Variants in DPEP3 observed in about 807,000 individuals in gnomAD.
DPEP3 encodes dipeptidase 3.
In DPEP3, 42 loss-of-function variants were observed where a neutral mutation model predicts 47.5. The ratio of observed to expected loss-of-function variants is 0.88; its 90% confidence interval spans 0.69 to 1.14. The LOEUF is 1.14. Ranked by LOEUF, DPEP3 falls within the 50% of genes most tolerant of loss-of-function variation. The pLI is 0.00. For synonymous variants in DPEP3, 276 were observed against 270.2 expected, an observed-to-expected ratio of 1.02 and a Z score of -0.21; for missense variants, 560 against 635.0, an observed-to-expected ratio of 0.88 and a Z score of 1.27.
intron 8 of DPEP3, 38 bp downstream of exon 8, chr16:67,976,662 G>C: frequency 6.3e-7 from 1 of 1,597,934 alleles, no homozygotes; most frequent in Non-Finnish European, 8.6e-7. Context: ...ACTCCCTGCT[G>C]CACCCCAGCC....
chr16:67,977,900 G>A, intron 5 of DPEP3, 38 bp downstream of exon 5: 2 of 1,613,874 alleles, frequency 1.2e-6, no homozygotes, highest in Non-Finnish European at 1.7e-6. Flanking sequence ...ATATCCGTAG[G>A]CAGCAGGTGG....
intron 2 of DPEP3, among the ~76,000 whole-genome samples, 154 bp downstream of exon 2, chr16:67,979,485 T>G (rs989289131): frequency 6.6e-6 from 1 of 152,228 alleles, no homozygotes; most frequent in Non-Finnish European, 1.5e-5. Flanking sequence ...TAGCCTGTCT[T>G]GGCCTCCAAG....
In DPEP3 at chr16:67,977,746, T is replaced by C; in HGVS notation, c.840A>G (p.Glu280=). The C allele has an allele frequency of 6.2e-7, 1 of 1,613,694 alleles. No individual in the cohort carries two copies. The highest frequency in any genetic ancestry group is 8.5e-7 in the Non-Finnish European group (1 of 1,179,760). The part of the protein sequence containing the change: ...ASDTLIRRVL[E]VSQAPVIFSH... Reference sequence around the variant, plus strand: ...AGAAGATCACAGGAGCCTGAGACACTTCCAGGACCCTTCTTATCAAGGTGT... The same window carrying C: ...AGAAGATCACAGGAGCCTGAGACACCTCCAGGACCCTTCTTATCAAGGTGT... The change falls in exon 6 of 10, where the codon GAA becomes GAG. Residue 280 remains glutamate (E), a synonymous_variant. Transcript: ENST00000268793.
intron 7 of DPEP3, 26 bp downstream of exon 7, chr16:67,977,244 C>A (rs751114610): frequency 6.2e-7 from 1 of 1,610,726 alleles, no homozygotes; most frequent in Admixed American, 1.7e-5. Flanking sequence ...CAAGCCAGCA[C>A]TGCACAAAGC....
rs770474892 is a variant in DPEP3 at position 67,977,846 on chromosome 16, G to GT, written c.757-18dup. On this transcript the variant is annotated splice_polypyrimidine_tract_variant and intron_variant, in intron 5 of 9. Coordinates refer to ENST00000268793, the MANE Select transcript of DPEP3 (RefSeq NM_001370198.1). Reference sequence around the variant, plus strand: ...TACTACTTTCTGCAGAAACAATTAGGTTTTTTTGTGGGGGAGGGTGTTGGG... The same window carrying GT: ...TACTACTTTCTGCAGAAACAATTAGGTTTTTTTTGTGGGGGAGGGTGTTGGG... 9 of 1,613,558 alleles carry GT rather than the reference G, an allele frequency of 5.6e-6. No individual in the cohort carries two copies. Among genetic ancestry groups the GT allele is most frequent in the Non-Finnish European group, 7.6e-6 (9 of 1,179,694 alleles).
Position 67,978,267 on chromosome 16 carries a change from C to T in DPEP3, c.686G>A (p.Trp229Ter). ...CATCCTGGCCAGGTGTTATGCTCACCATGGTGTACTGCAGGTGAAGGTAAG... is the reference window on the plus strand; with the variant it reads ...CATCCTGGCCAGGTGTTATGCTCACTATGGTGTACTGCAGGTGAAGGTAAG... The part of the protein sequence containing the change: ...LTLTFTCSTP[W>*]AESSTKFRHH... Residue 229 changes from tryptophan (W) to a stop codon, truncating the protein, a stop_gained and splice_region_variant, in exon 4 of 10, where the codon TGG (tryptophan) becomes TAG (stop). Transcript: ENST00000268793. LOFTEE classifies it high-confidence loss of function. This position sits in a 1 kb window ranked among gnomAD's most constrained non-coding sequence, Gnocchi z 4.4. 1 of 1,614,164 alleles carries T rather than the reference C, an allele frequency of 6.2e-7. No individual in the cohort carries two copies. The highest frequency in any genetic ancestry group is 8.5e-7 in the Non-Finnish European group (1 of 1,180,016).
rs764744800 is a variant in DPEP3, at chr16:67,975,759, A to C, written c.*6T>G. The C allele has an allele frequency of 1.2e-6, 2 of 1,610,012 alleles. No individual in the cohort carries two copies. The highest frequency in any genetic ancestry group is 1.7e-4 in the Middle Eastern group (1 of 5,872). On this transcript the variant is annotated 3_prime_UTR_variant, in exon 10 of 10. Transcript: ENST00000268793. ...GCCACAGTGACCTCTGCGGGGACCG[A>C]CTGTGTCAGCAGAGCCACTGGGTGA... is the stretch of plus-strand genomic sequence containing the variant.
At position 67,976,156 on chromosome 16, in the gene DPEP3, G is replaced by A. The variant is rs373897154; in HGVS notation, c.1167C>T (p.Ser389=). 2.4e-5 allele frequency: 39 copies of A among 1,614,030 alleles called. No homozygotes were observed. The highest frequency in any genetic ancestry group is 2.2e-4 in the South Asian group (20 of 91,092). Reference sequence around the variant, plus strand: ...GAAGGACACCTTGAAGCTCTTCCTCGCTCCAGCTACGACTCAGCAACTCCT... The same window carrying A: ...GAAGGACACCTTGAAGCTCTTCCTCACTCCAGCTACGACTCAGCAACTCCT... ...LIEELLSRSW[S]EEELQGVLRG... Residue 389 remains serine, a synonymous_variant, in exon 9 of 10, where the codon AGC becomes AGT. Transcript: ENST00000268793.
intron 1 of DPEP3, 115 bp from the exon 2 acceptor site, chr16:67,979,880 A>C: frequency 6.8e-7 from 1 of 1,476,462 alleles, no homozygotes; most frequent in Non-Finnish European, 9.1e-7. Flanking sequence ...GACCATATAG[A>C]GACCTCCTGA....
Position 67,979,327 on chromosome 16 carries a change from A to G in DPEP3, c.414+312T>C, listed in dbSNP as rs1487975992. Among the ~76,000 whole-genome samples, 4 of 152,156 alleles carry G rather than the reference A, an allele frequency of 2.6e-5. No homozygotes were observed. The East Asian group carries it at 7.7e-4, about 29-fold the overall frequency. The stretch of plus-strand genomic sequence containing the variant: ...TCTCAAAAATGCAAACAAACAAACA[A>G]GCAAAAAACTGCTGTTAGTCCATGT... On this transcript the variant is annotated intron_variant, in intron 2 of 9. Transcript: ENST00000268793.
intron 7 of DPEP3, among the ~76,000 whole-genome samples, 181 bp downstream of exon 7, chr16:67,977,089 A>C (rs540324742): frequency 6.6e-6 from 1 of 152,274 alleles, no homozygotes; most frequent in South Asian, 2.1e-4. Flanking sequence ...GGCATCAAAC[A>C]CATCAGCACT....
chr16:67,979,188 C>T (rs182963953), intron 2 of DPEP3, among the ~76,000 whole-genome samples: 24 of 152,224 alleles, frequency 1.6e-4, no homozygotes, highest in African/African-American at 5.3e-4. Flanking sequence ...GCCTGTAATC[C>T]CAGCTACTCA....
At position 67,980,498 on chromosome 16, in the gene DPEP3, C is replaced by G. The variant is rs1332874977; in HGVS notation, c.-118G>C. 3 of 1,426,200 alleles carry G rather than the reference C, an allele frequency of 2.1e-6. No homozygotes were observed. The African/African-American group carries it at 4.5e-5, about 22-fold the overall frequency. The allele number at this position is 1,426,200 out of a possible 1,614,324, so 88.3% of individuals were successfully genotyped here. On this transcript the variant is annotated 5_prime_UTR_variant, in exon 1 of 10. Transcript: ENST00000268793. ...AAGAGGGGGTTGAAGTCACGCGACT[C>G]TGAGACCGACGCGCCACGCAAGGGG...
rs1218247340 is a variant in DPEP3 at position 67,980,123 on chromosome 16, G to T, written c.258C>A (p.Ala86=). The T allele has an allele frequency of 1.2e-6, 2 of 1,612,536 alleles. No homozygotes were observed. Among genetic ancestry groups the T allele is most frequent in the Non-Finnish European group, 1.7e-6 (2 of 1,179,414 alleles). Residue 86 remains alanine, a synonymous_variant, in exon 1 of 10, where the codon GCC becomes GCA. Transcript: ENST00000268793. Reference sequence around the variant, plus strand: ...CCACGAGTGGGAAACTCCGCATCAGGGCCTGCGCGCGACCCCGAAGGTCCA... The same window carrying T: ...CCACGAGTGGGAAACTCCGCATCAGTGCCTGCGCGCGACCCCGAAGGTCCA... ...KTLDLRGRAQ[A]LMRSFPLVDG...
rs764193590 is a variant in DPEP3, at chr16:67,976,198, T to A, written c.1125A>T (p.Thr375=). 6.2e-7 allele frequency: 1 copy of A among 1,614,202 alleles called. No individual in the cohort carries two copies. Among genetic ancestry groups the A allele is most frequent in the South Asian group, 1.1e-5 (1 of 91,080 alleles). Residue 375 remains threonine, a synonymous_variant, in exon 9 of 10, where the codon ACA becomes ACT. Transcript: ENST00000268793. ...GCAACTCCTCTATCAGGACTGGGTA[T>A]GTGGACACATCCTCCAGCCCCTGAG... ...RFPQGLEDVS[T]YPVLIEELLS... is the part of the protein sequence containing the mutation.
chr16:67,979,963 G>T, intron 1 of DPEP3, 131 bp downstream of exon 1: 1 of 1,375,684 alleles, frequency 7.3e-7, no homozygotes, highest in Non-Finnish European at 9.8e-7. Flanking sequence ...CATGGGTGAT[G>T]GAGGAGAGAG....
chr16:67,976,536 A>G (rs2031199175), intron 8 of DPEP3, among the ~76,000 whole-genome samples, 164 bp downstream of exon 8: 1 of 152,232 alleles, frequency 6.6e-6, no homozygotes, highest in African/African-American at 2.4e-5. Context: ...CTGAAGGGAC[A>G]GGGAGAAACT....
chr16:67,980,136 C>G lies in DPEP3; in HGVS notation c.245G>C (p.Gly82Ala), dbSNP rs990687450. The part of the protein sequence containing the change: ...PGTPKTLDLR[G>A]RAQALMRSFP... The stretch of plus-strand genomic sequence containing the variant: ...ACTCCGCATCAGGGCCTGCGCGCGA[C>G]CCCGAAGGTCCAGGGTTTTGGGGGT... The change falls in exon 1 of 10, where the codon GGT (glycine) becomes GCT (alanine). Residue 82 changes from glycine (G) to alanine (A), a missense_variant. Coordinates refer to ENST00000268793, the MANE Select transcript of DPEP3 (RefSeq NM_001370198.1). The G allele has an allele frequency of 6.2e-7, 1 of 1,612,872 alleles. No homozygotes were observed. Among genetic ancestry groups the G allele is most frequent in the Non-Finnish European group, 8.5e-7 (1 of 1,179,510 alleles).
In DPEP3 at chr16:67,976,088, C is replaced by G; in HGVS notation, c.1230+5G>C. ...TGAACCATCCTGTCCACCAGCCCAG[C>G]TTACCTTTTCCACTTGTCTGAAGAC... On this transcript the variant is annotated splice_donor_5th_base_variant and intron_variant, in intron 9 of 9. Coordinates refer to ENST00000268793, the MANE Select transcript of DPEP3 (RefSeq NM_001370198.1). 6.2e-7 allele frequency: 1 copy of G among 1,614,174 alleles called. No individual in the cohort carries two copies. Among genetic ancestry groups the G allele is most frequent in the Non-Finnish European group, 8.5e-7 (1 of 1,180,012 alleles).
Sources: allele counts gnomAD v4.1 joint callset (sites outside exome capture counted in the v4.1 genomes callset), GRCh38; gene constraint gnomAD v4.1.1; non-coding constraint Gnocchi (gnomAD v3.1); transcripts MANE v1.5; gene names NCBI Gene and HGNC (gene_info 2026-07-23, HGNC 2026-07-21).